Variants in MEMO1 observed in about 807,000 individuals in gnomAD.
The protein encoded by MEMO1 is protein MEMO1.
In MEMO1, 6 loss-of-function variants were observed where a neutral mutation model predicts 45.2. The ratio of observed to expected loss-of-function variants is 0.13; its 90% CI spans 0.07 to 0.26. The LOEUF (loss-of-function observed/expected upper bound fraction) is 0.26, where lower values mean the gene tolerates loss of function less well. MEMO1 is among the 10% of genes least tolerant of loss of function. The pLI is 1.00. For synonymous variants in MEMO1, 78 were observed against 124.3 expected (o/e 0.63, Z 2.48); for missense variants, 184 against 370.5 (o/e 0.50, Z 4.13).
intron 2 of MEMO1, among the ~76,000 whole-genome samples, chr2:31,998,357 C>T (rs1301045212): frequency 6.6e-6 from 1 of 152,102 alleles, no homozygotes; most frequent in Admixed American, 6.6e-5. Context: ...TCATTCTCCT[C>T]CTCATGAGAT....
At chr2:31,996,043 G>C (rs753859233) in intron 2 of MEMO1, among the ~76,000 whole-genome samples, 28 of 152,130 alleles carry the variant, frequency 1.8e-4, no homozygotes, top group Non-Finnish European at 3.2e-4. Flanking sequence ...TAACGATAGA[G>C]TGAATTCATC....
Position 31,972,835 on chromosome 2 carries a change from A to C in MEMO1, c.62-29452T>G, listed in dbSNP as rs1380530175. ...AACAAAAGAGACAACCCAATTTTAA[A>C]ATGGGCATAGGACTTAAATAGACAT... On this transcript the variant is annotated intron_variant, in intron 2 of 9. Transcript: ENST00000404530. Among the ~76,000 whole-genome samples, 4 of 152,242 alleles carry C rather than the reference A, an allele frequency of 2.6e-5. No homozygotes were observed. In the South Asian group the frequency reaches 6.2e-4, roughly 24 times the overall value.
chr2:31,954,101 T>C (rs1283114117), intron 2 of MEMO1, among the ~76,000 whole-genome samples: 2 of 152,212 alleles, frequency 1.3e-5, no homozygotes, highest in African/African-American at 4.8e-5. Flanking sequence ...CCACAAGTTA[T>C]CCATCACTAA....
At chr2:31,964,618 T>G (rs931985962) in intron 2 of MEMO1, among the ~76,000 whole-genome samples, 2 of 151,990 alleles carry the variant, frequency 1.3e-5, no homozygotes, top group Admixed American at 6.6e-5. Context: ...AGAGAATCAC[T>G]TGCACCTGGG....
chr2:31,930,709 G>C (rs956744990), intron 4 of MEMO1, among the ~76,000 whole-genome samples: 1 of 151,706 alleles, frequency 6.6e-6, no homozygotes, highest in East Asian at 1.9e-4. Flanking sequence ...GCGGTGGCGC[G>C]ATCTTGGCTC....
At chr2:31,988,915 A>G (rs1671601952) in intron 2 of MEMO1, among the ~76,000 whole-genome samples, 1 of 152,096 alleles carries the variant, frequency 6.6e-6, no homozygotes, top group Non-Finnish European at 1.5e-5. Context: ...CTTGAAAATG[A>G]ATAGTGGGCA....
At chr2:31,995,429 G>C (rs1209898751) in intron 2 of MEMO1, among the ~76,000 whole-genome samples, 1 of 152,030 alleles carries the variant, frequency 6.6e-6, no homozygotes, top group Non-Finnish European at 1.5e-5. Flanking sequence ...ACTCCAGCCT[G>C]GGCAATAGAG....
At chr2:31,960,834 C>G (rs1203919354) in intron 2 of MEMO1, among the ~76,000 whole-genome samples, 1 of 152,064 alleles carries the variant, frequency 6.6e-6, no homozygotes, top group Non-Finnish European at 1.5e-5. Context: ...GATCCGCCCG[C>G]CTCAGCCTAC....
intron 3 of MEMO1, among the ~76,000 whole-genome samples, chr2:31,932,435 TTTG>T (rs1428679595): frequency 6.6e-6 from 1 of 151,630 alleles, no homozygotes; most frequent in Non-Finnish European, 1.5e-5. Context: ...GAGGTTGGTT[TTTG>T]TTGTTGTTTT....
intron 2 of MEMO1, among the ~76,000 whole-genome samples, chr2:32,005,404 G>A (rs1459301599): frequency 1.4e-5 from 2 of 139,084 alleles, no homozygotes; most frequent in African/African-American, 2.7e-5. Context: ...AAATTTTTCT[G>A]TTCTTAAAAT....
At chr2:31,987,728 T>C (rs1671442373) in intron 2 of MEMO1, among the ~76,000 whole-genome samples, 1 of 152,184 alleles carries the variant, frequency 6.6e-6, no homozygotes, top group Non-Finnish European at 1.5e-5. Context: ...AATGATGATA[T>C]CATCCTCTAT....
At chr2:31,908,772 G>C (rs918589692) in intron 6 of MEMO1, among the ~76,000 whole-genome samples, 32 of 152,184 alleles carry the variant, frequency 2.1e-4, no homozygotes, top group Admixed American at 2.0e-3. Flanking sequence ...AACTGCAAGA[G>C]AAACTATTTT....
chr2:31,913,569 T>A (rs959837147), intron 6 of MEMO1, among the ~76,000 whole-genome samples: 49 of 151,844 alleles, frequency 3.2e-4, no homozygotes, highest in African/African-American at 7.0e-4. Context: ...AATTTTTTTT[T>A]AAAAAAAGAA....
At chr2:31,991,333 G>C (rs571802947) in intron 2 of MEMO1, among the ~76,000 whole-genome samples, 71 of 152,280 alleles carry the variant, frequency 4.7e-4, no homozygotes, top group African/African-American at 1.7e-3. Context: ...AGCACTTTGG[G>C]AGCCGAGGTG....
intron 6 of MEMO1, among the ~76,000 whole-genome samples, chr2:31,899,826 C>T (rs984256819): frequency 6.6e-6 from 1 of 152,046 alleles, no homozygotes; most frequent in African/African-American, 2.4e-5. Context: ...AGAACTTAAA[C>T]AAATTTACAA....
At chr2:31,998,056 T>C (rs549373315) in intron 2 of MEMO1, among the ~76,000 whole-genome samples, 2 of 152,276 alleles carry the variant, frequency 1.3e-5, no homozygotes, top group Admixed American at 6.5e-5. Context: ...TCACTCAAGC[T>C]GAAGTAGTGC....
intron 2 of MEMO1, among the ~76,000 whole-genome samples, chr2:31,952,394 T>C (rs1429362776): frequency 6.6e-6 from 1 of 152,192 alleles, no homozygotes; most frequent in South Asian, 2.1e-4. Context: ...CACTTACTAC[T>C]TTTCTGTCCG....
At chr2:31,967,628 G>T (rs879881720) in intron 2 of MEMO1, among the ~76,000 whole-genome samples, 1 of 151,922 alleles carries the variant, frequency 6.6e-6, no homozygotes, top group South Asian at 2.1e-4. Flanking sequence ...ATTTTTTGTA[G>T]AGACAAGGTT....
chr2:31,957,316 G>C (rs1667525487), intron 2 of MEMO1, among the ~76,000 whole-genome samples: 1 of 152,102 alleles, frequency 6.6e-6, no homozygotes. Context: ...TCATATAACA[G>C]AATACTATGA....
Sources: gnomAD v4.1 joint callset for allele counts (sites outside exome capture counted in the v4.1 genomes callset) on GRCh38, gnomAD v4.1.1 for gene constraint, MANE v1.5 for transcripts, NCBI Gene and HGNC (gene_info 2026-07-23, HGNC 2026-07-21) for gene names.